SUMF1: variants seen among roughly 807,000 people sequenced by gnomAD.
The protein encoded by SUMF1 is formylglycine-generating enzyme.
Under a neutral mutation model 47.6 loss-of-function variants are expected in SUMF1, and 48 were observed. The ratio of observed to expected loss-of-function variants is 1.01; its 90% CI spans 0.80 to 1.28. SUMF1 has a LOEUF of 1.28. SUMF1 is among the 50% of genes most tolerant of loss of function. The probability of loss-of-function intolerance (pLI) is 0.00; values close to 1 mark genes in which losing one functional copy is unlikely to be tolerated. For missense variants in SUMF1, 571 were observed against 485.4 expected (o/e 1.18, Z -1.66); for synonymous variants, 230 against 192.1 (o/e 1.20, Z -1.63).
intron 8 of SUMF1, among the ~76,000 whole-genome samples, chr3:4,271,613 C>T (rs1327133010): frequency 3.3e-5 from 5 of 152,024 alleles, no homozygotes; most frequent in South Asian, 2.1e-4. Context: ...GTGATTCTCC[C>T]GCCTCAGTCT....
rs568701058 is a variant in SUMF1, at chr3:4,212,403, C to T, written c.1015-143658G>A. Among the ~76,000 whole-genome samples the T allele has an allele frequency of 5.3e-5, 8 of 152,094 alleles. No individual in the cohort carries two copies. The South Asian group carries it at 8.3e-4, about 16-fold the overall frequency. ...AGCACGTCCACTCAAAGACCCTATC[C>T]GACGGTCACCAACATCAAAGACCAA... On this transcript the variant is annotated intron_variant and NMD_transcript_variant, in intron 8 of 12. Coordinates refer to the SUMF1 transcript ENST00000448413.
intron 7 of SUMF1, among the ~76,000 whole-genome samples, chr3:4,403,008 C>G (rs1701263286): frequency 6.6e-6 from 1 of 152,182 alleles, no homozygotes; most frequent in Admixed American, 6.5e-5. Flanking sequence ...CTGCTACTCA[C>G]AGTAACAGTA....
chr3:4,250,287 G>A (rs1380004009), intron 8 of SUMF1, among the ~76,000 whole-genome samples: 1 of 149,218 alleles, frequency 6.7e-6, no homozygotes, highest in East Asian at 2.0e-4. Flanking sequence ...GGGGAAGGAA[G>A]GGAAGAGGGA....
intron 8 of SUMF1, among the ~76,000 whole-genome samples, chr3:4,369,550 G>A (rs574069937): frequency 6.6e-6 from 1 of 152,292 alleles, no homozygotes; most frequent in Non-Finnish European, 1.5e-5. Flanking sequence ...TCAGGTTCAG[G>A]GGGAGCTACA....
intron 8 of SUMF1, among the ~76,000 whole-genome samples, chr3:4,073,170 A>C (rs900600684): frequency 6.6e-6 from 1 of 152,184 alleles, no homozygotes; most frequent in Non-Finnish European, 1.5e-5. Flanking sequence ...AAGAGAGTGG[A>C]AGCCAATATT....
chr3:4,357,626 G>C (rs1699650028), downstream of SUMF1, among the ~76,000 whole-genome samples: 1 of 105,206 alleles, frequency 9.5e-6, no homozygotes, highest in South Asian at 3.2e-4. Flanking sequence ...TATTTATTTT[G>C]AGACGGAGTT....
intron 8 of SUMF1, among the ~76,000 whole-genome samples, chr3:4,077,264 T>C (rs1405851482): frequency 6.6e-6 from 1 of 152,106 alleles, no homozygotes; most frequent in East Asian, 1.9e-4. Flanking sequence ...CTCAAGGATC[T>C]AGAACTAGAA....
chr3:4,173,791 A>C (rs1694889645), intron 8 of SUMF1, among the ~76,000 whole-genome samples: 1 of 152,174 alleles, frequency 6.6e-6, no homozygotes, highest in African/African-American at 2.4e-5. Context: ...AGAAAATCAA[A>C]CACCGCATGT....
chr3:4,101,077 G>C (rs936652084), intron 8 of SUMF1, among the ~76,000 whole-genome samples: 1 of 151,940 alleles, frequency 6.6e-6, no homozygotes, highest in Non-Finnish European at 1.5e-5. Flanking sequence ...CATATAAACA[G>C]TATGGGGGAT....
chr3:4,320,072 G>A (rs1261727073), intron 8 of SUMF1, among the ~76,000 whole-genome samples: 1 of 152,204 alleles, frequency 6.6e-6, no homozygotes, highest in Non-Finnish European at 1.5e-5. Flanking sequence ...CTGTGATGGT[G>A]TATACATGAC....
At position 4,428,104 on chromosome 3, in the gene SUMF1, G is replaced by A. The variant is rs751906851; in HGVS notation, c.520-7958C>T. Among the ~76,000 whole-genome samples the A allele has an allele frequency of 4.6e-5, 7 of 151,936 alleles. No individual in the cohort carries two copies. The South Asian group carries it at 1.2e-3, about 27-fold the overall frequency. ...ATCATTTATTTCATACCATTTGAAC[G>A]AATACATCATAGTCATTAAAAATTA... On this transcript the variant is annotated intron_variant, in intron 3 of 8. Transcript: ENST00000272902.
At chr3:4,138,624 A>C (rs1295855719) in intron 8 of SUMF1, among the ~76,000 whole-genome samples, 1 of 152,162 alleles carries the variant, frequency 6.6e-6, no homozygotes, top group African/African-American at 2.4e-5. Flanking sequence ...ATTGTCACAC[A>C]TCACAGCTAG....
At chr3:4,146,218 G>A (rs926376021) in intron 8 of SUMF1, among the ~76,000 whole-genome samples, 2 of 152,078 alleles carry the variant, frequency 1.3e-5, no homozygotes, top group Non-Finnish European at 2.9e-5. Flanking sequence ...GATGAAAGAG[G>A]AAAGGAAACA....
At position 4,305,341 on chromosome 3, in the gene SUMF1, C is replaced by T. The variant is rs1031331355; in HGVS notation, c.1014+70989G>A. Among the ~76,000 whole-genome samples the T allele has an allele frequency of 3.0e-4, 46 of 152,286 alleles. 2 individuals carry two copies. Among genetic ancestry groups the T allele is most frequent in the Admixed American group, 3.3e-4 (5 of 15,296 alleles). ...CCTCAAGTGATCCACCCACCTGGGC[C>T]TCCCAAAGTGCTGGGATTACAGACG... On this transcript the variant is annotated intron_variant and NMD_transcript_variant, in intron 8 of 12. Transcript: ENST00000448413.
intron 8 of SUMF1, among the ~76,000 whole-genome samples, chr3:4,229,054 T>G (rs1485265): frequency 0.36 from 54,738 of 151,784 alleles, 10,726 homozygotes; most frequent in Non-Finnish European, 0.45. Flanking sequence ...TGCTGAGTGA[T>G]GTACGAAGCA....
At chr3:4,337,753 A>G (rs769594137) in intron 8 of SUMF1, among the ~76,000 whole-genome samples, 13 of 152,212 alleles carry the variant, frequency 8.5e-5, no homozygotes, top group Non-Finnish European at 1.8e-4. Flanking sequence ...CATCTCTTCA[A>G]TTAAAATTTT....
intron 8 of SUMF1, among the ~76,000 whole-genome samples, chr3:4,177,724 C>T (rs550765474): frequency 2.0e-5 from 3 of 151,860 alleles, no homozygotes; most frequent in Non-Finnish European, 4.4e-5. Flanking sequence ...ACACAAAAAA[C>T]CATTCAAAAA....
intron 8 of SUMF1, among the ~76,000 whole-genome samples, chr3:4,183,890 A>T (rs1695145817): frequency 6.6e-6 from 1 of 152,132 alleles, no homozygotes; most frequent in African/African-American, 2.4e-5. Context: ...AAAAATGGCA[A>T]TTAGGGAGGT....
rs1229232122 is a variant in SUMF1, at chr3:4,276,859, A to C, written c.1014+99471T>G. Among the ~76,000 whole-genome samples, 4 of 152,208 alleles carry C rather than the reference A, an allele frequency of 2.6e-5. No individual in the cohort carries two copies. In the East Asian group the frequency reaches 7.7e-4, roughly 29 times the overall value. ...TTTAAACCATAATTTTGTAAAATAC[A>C]GCAATGTTTAAAAACCTTGACAAAA... On this transcript the variant is annotated intron_variant and NMD_transcript_variant, in intron 8 of 12. Coordinates refer to the SUMF1 transcript ENST00000448413.
Sources: gnomAD v4.1 joint callset for allele counts (sites outside exome capture counted in the v4.1 genomes callset) on GRCh38, gnomAD v4.1.1 for gene constraint, MANE v1.5 for transcripts, NCBI Gene and HGNC (gene_info 2026-07-23, HGNC 2026-07-21) for gene names.